Variants in FTO observed in about 807,000 individuals in gnomAD.
FTO encodes the protein alpha-ketoglutarate-dependent dioxygenase FTO.
FTO carries 47 observed loss-of-function variants against 63.9 expected under a neutral mutation model. The ratio of observed to expected loss-of-function variants is 0.74; its 90% confidence interval spans 0.58 to 0.94. FTO has a LOEUF of 0.94. Among genes scored for constraint, FTO ranks in the 40% least tolerant of loss-of-function variants. FTO has a pLI of 0.00. For synonymous variants in FTO, 207 were observed against 224.4 expected (o/e 0.92, Z 0.69); for missense variants, 562 against 618.1 (o/e 0.91, Z 0.96).
intron 1 of FTO, among the ~76,000 whole-genome samples, chr16:53,721,864 C>T (rs1014185237): frequency 2.0e-5 from 3 of 152,018 alleles, no homozygotes; most frequent in Non-Finnish European, 4.4e-5. Context: ...TCATTTCAAT[C>T]GGAAAAAGTA....
chr16:54,007,213 G>A (rs962463003), intron 8 of FTO, among the ~76,000 whole-genome samples: 1 of 152,090 alleles, frequency 6.6e-6, no homozygotes, highest in East Asian at 1.9e-4. Context: ...TGTAAATGAC[G>A]AGTTAATGGG....
At chr16:53,816,105 AC>A (rs2078680246) in intron 2 of FTO, among the ~76,000 whole-genome samples, 1 of 151,530 alleles carries the variant, frequency 6.6e-6, no homozygotes, top group Admixed American at 6.6e-5. Context: ...GCCCACTAGT[AC>A]TCTCTTCCCT....
At chr16:53,964,397 C>G (rs1278160505) in intron 8 of FTO, among the ~76,000 whole-genome samples, 1 of 152,096 alleles carries the variant, frequency 6.6e-6, no homozygotes, top group Non-Finnish European at 1.5e-5. Flanking sequence ...TAGTTGAGGC[C>G]AGGAGGAAGG....
chr16:53,972,202 A>T (rs1421435280), intron 8 of FTO, among the ~76,000 whole-genome samples: 1 of 152,106 alleles, frequency 6.6e-6, no homozygotes, highest in African/African-American at 2.4e-5. Flanking sequence ...TCTTCCTAAC[A>T]GTCCTGTTAG....
At chr16:53,874,420 C>T (rs2080589176) in intron 5 of FTO, among the ~76,000 whole-genome samples, 1 of 152,170 alleles carries the variant, frequency 6.6e-6, no homozygotes, top group South Asian at 2.1e-4. Flanking sequence ...GCTGTTCAGA[C>T]TAGTTCAGAA....
chr16:53,962,547 T>C (rs148197375), intron 8 of FTO, among the ~76,000 whole-genome samples: 19 of 152,314 alleles, frequency 1.2e-4, no homozygotes, highest in Non-Finnish European at 2.6e-4. Flanking sequence ...GGTTTTGTTA[T>C]TATGTTTCAT....
chr16:53,705,663 T>C (rs1258025758), intron 1 of FTO, among the ~76,000 whole-genome samples: 1 of 152,208 alleles, frequency 6.6e-6, no homozygotes, highest in African/African-American at 2.4e-5. Flanking sequence ...GTTTTCATGC[T>C]TGAGTCTGCA....
intron 1 of FTO, among the ~76,000 whole-genome samples, chr16:53,774,843 TA>T (rs1190727417): frequency 2.0e-5 from 3 of 152,162 alleles, no homozygotes; most frequent in African/African-American, 7.2e-5. Flanking sequence ...CACACAACCA[TA>T]GTTGTAGTTG....
chr16:53,897,269 T>C (rs772818968), intron 7 of FTO, among the ~76,000 whole-genome samples: 1 of 152,154 alleles, frequency 6.6e-6, no homozygotes, highest in Non-Finnish European at 1.5e-5. Flanking sequence ...AATTTTTCCT[T>C]CATATGTATA....
intron 7 of FTO, among the ~76,000 whole-genome samples, chr16:53,915,193 C>T (rs745939449): frequency 6.6e-6 from 1 of 152,158 alleles, no homozygotes; most frequent in Non-Finnish European, 1.5e-5. Flanking sequence ...AACCAAATTG[C>T]TTAAAAATTT....
chr16:53,885,379 T>C (rs1170680722), intron 6 of FTO, among the ~76,000 whole-genome samples: 1 of 152,048 alleles, frequency 6.6e-6, no homozygotes, highest in East Asian at 1.9e-4. Context: ...AAAAGTCAGG[T>C]CATGGAGTTG....
Position 53,762,384 on chromosome 16 carries a change from A to G in FTO, c.46-47756A>G, listed in dbSNP as rs112811332. On this transcript the variant is annotated intron_variant, in intron 1 of 8. Coordinates refer to ENST00000471389, the MANE Select transcript of FTO (RefSeq NM_001080432.3). ...ATTTCTGTGAGTGCTTACTGACCCC[A>G]GCACAGTGTTTAATAAATTATTGAA... Among the ~76,000 whole-genome samples the G allele has an allele frequency of 5.8e-3, 889 of 152,294 alleles. 7 individuals carry two copies. The highest frequency in any genetic ancestry group is 9.9e-3 in the Non-Finnish European group (673 of 68,018).
At chr16:53,861,984 G>A (rs1268884125) in intron 4 of FTO, among the ~76,000 whole-genome samples, 1 of 152,124 alleles carries the variant, frequency 6.6e-6, no homozygotes, top group Non-Finnish European at 1.5e-5. Context: ...GGGTGCAGTG[G>A]CTCATCCGTG....
intron 4 of FTO, among the ~76,000 whole-genome samples, chr16:53,864,945 A>T (rs1303399777): frequency 6.6e-6 from 1 of 152,182 alleles, no homozygotes; most frequent in African/African-American, 2.4e-5. Flanking sequence ...GTTGCCAAGG[A>T]TTTAAATGAA....
chr16:53,910,917 T>G (rs2081675258), intron 7 of FTO, among the ~76,000 whole-genome samples: 2 of 152,300 alleles, frequency 1.3e-5, no homozygotes, highest in South Asian at 4.2e-4. Context: ...ACAGGCAATT[T>G]TACAAGATTT....
At chr16:53,806,327 G>A (rs946982147) in intron 1 of FTO, among the ~76,000 whole-genome samples, 11 of 152,156 alleles carry the variant, frequency 7.2e-5, no homozygotes, top group African/African-American at 2.7e-4. Context: ...CGTTTACATA[G>A]TGCAAAAATC....
intron 3 of FTO, among the ~76,000 whole-genome samples, chr16:53,834,836 T>G (rs997360742): frequency 6.6e-6 from 1 of 152,206 alleles, no homozygotes; most frequent in Non-Finnish European, 1.5e-5. Context: ...ATATATTGGC[T>G]TCCTGATATG....
intron 2 of FTO, among the ~76,000 whole-genome samples, chr16:53,816,687 G>A (rs953911050): frequency 6.6e-6 from 1 of 151,930 alleles, no homozygotes; most frequent in African/African-American, 2.4e-5. Context: ...TGTATCTAGA[G>A]GCCTTCCCTT....
At chr16:53,767,230 A>G (rs2077229719) in intron 1 of FTO, among the ~76,000 whole-genome samples, 1 of 152,190 alleles carries the variant, frequency 6.6e-6, no homozygotes, top group Non-Finnish European at 1.5e-5. Context: ...TGGATGGCTC[A>G]ATCCAACCCA....
Sources: gnomAD v4.1 joint callset for allele counts (sites outside exome capture counted in the v4.1 genomes callset) on GRCh38, gnomAD v4.1.1 for gene constraint, MANE v1.5 for transcripts, NCBI Gene and HGNC (gene_info 2026-07-23, HGNC 2026-07-21) for gene names.